RBFOX1: variants seen among roughly 807,000 people sequenced by gnomAD.
RBFOX1 encodes the protein RNA binding protein fox-1 homolog 1.
Under a neutral mutation model 57.7 loss-of-function variants are expected in RBFOX1, and 8 were observed. The ratio of observed to expected loss-of-function variants is 0.14; its 90% confidence interval spans 0.08 to 0.25. The LOEUF (loss-of-function observed/expected upper bound fraction) is 0.25. Ranked by LOEUF, RBFOX1 falls within the 10% of genes least tolerant of loss-of-function variation. The pLI is 1.00. For synonymous variants in RBFOX1, 326 were observed against 222.4 expected (o/e 1.47, Z -4.15); for missense variants, 611 against 548.5 (o/e 1.11, Z -1.14).
intron 3 of RBFOX1, among the ~76,000 whole-genome samples, chr16:6,848,020 C>T (rs543951110): frequency 5.5e-4 from 83 of 152,094 alleles, no homozygotes; most frequent in Non-Finnish European, 1.0e-3. Context: ...AATAGAGACA[C>T]GGGGTCTTAC....
chr16:5,853,055 A>G (rs2056936554), intron 3 of RBFOX1, among the ~76,000 whole-genome samples: 1 of 152,136 alleles, frequency 6.6e-6, no homozygotes. Context: ...ATATGTTTAC[A>G]GATCAGACTA....
chr16:5,867,195 C>T, intron 3 of RBFOX1: 1 of 624,884 alleles, frequency 1.6e-6, no homozygotes, highest in Non-Finnish European at 2.3e-6. Context: ...CAACCTTTGT[C>T]CCCTCGGGTC....
chr16:5,780,223 G>A (rs2151702208), intron 3 of RBFOX1, among the ~76,000 whole-genome samples: 1 of 152,326 alleles, frequency 6.6e-6, no homozygotes, highest in African/African-American at 2.4e-5. Flanking sequence ...GGCTGGTCTT[G>A]AAATCCTGAA....
At chr16:6,146,006 G>T (rs1263350951) in intron 1 of RBFOX1, among the ~76,000 whole-genome samples, 2 of 152,214 alleles carry the variant, frequency 1.3e-5, no homozygotes, top group African/African-American at 4.8e-5. Context: ...AGGTAGCAGT[G>T]TGGAGGTTAA....
chr16:6,062,202 T>G (rs1037839449), intron 1 of RBFOX1, among the ~76,000 whole-genome samples: 1 of 152,182 alleles, frequency 6.6e-6, no homozygotes, highest in East Asian at 1.9e-4. Flanking sequence ...AGAAGCTCTC[T>G]GAACTGTCCT....
At chr16:5,413,605 G>T (rs2151469320) in intron 1 of RBFOX1, among the ~76,000 whole-genome samples, 1 of 152,298 alleles carries the variant, frequency 6.6e-6, no homozygotes, top group East Asian at 1.9e-4. Context: ...GTTGGACAGT[G>T]CCTGTCTAGG....
At chr16:7,473,037 G>C (rs550745533) in intron 4 of RBFOX1, among the ~76,000 whole-genome samples, 1 of 152,178 alleles carries the variant, frequency 6.6e-6, no homozygotes, top group East Asian at 1.9e-4. Flanking sequence ...AAAAGCAGAA[G>C]AATGTCTCTG....
chr16:7,504,905 T>A (rs759667027), intron 4 of RBFOX1, among the ~76,000 whole-genome samples: 1 of 147,238 alleles, frequency 6.8e-6, no homozygotes. Flanking sequence ...CAGGCAATAA[T>A]ACGGCATTTG....
intron 4 of RBFOX1, among the ~76,000 whole-genome samples, chr16:5,930,088 G>A (rs557408111): frequency 1.3e-4 from 20 of 151,574 alleles, no homozygotes; most frequent in African/African-American, 4.4e-4. Context: ...GGGGGTTTGC[G>A]TTTGTGAAAG....
At chr16:6,814,024 G>C (rs1286112416) in intron 3 of RBFOX1, among the ~76,000 whole-genome samples, 1 of 125,254 alleles carries the variant, frequency 8.0e-6, no homozygotes, top group Non-Finnish European at 1.8e-5. Context: ...CTGCACAAAG[G>C]GAAATTAGAT....
chr16:7,611,497 T>G (rs2057455147), intron 10 of RBFOX1, among the ~76,000 whole-genome samples: 2 of 151,684 alleles, frequency 1.3e-5, no homozygotes, highest in African/African-American at 2.4e-5. Flanking sequence ...AAGAATCACT[T>G]GAACCTGGGA....
chr16:6,933,669 T>G, intron 3 of RBFOX1, among the ~76,000 whole-genome samples: 1 of 152,246 alleles, frequency 6.6e-6, no homozygotes, highest in East Asian at 1.9e-4. Flanking sequence ...GTCAAGATCG[T>G]ATGACTGCAC....
intron 4 of RBFOX1, among the ~76,000 whole-genome samples, chr16:7,417,528 T>TTGTGTGTGTGTTTG (rs1555882380): frequency 0.026 from 1,798 of 68,422 alleles, 37 homozygotes; most frequent in African/African-American, 0.052. Context: ...TCACATGGTA[T>TTGTGTGTGTGTTTG]TGTGTGTGTG....
intron 9 of RBFOX1, among the ~76,000 whole-genome samples, chr16:7,600,907 C>A (rs969749294): frequency 1.3e-5 from 2 of 152,176 alleles, no homozygotes; most frequent in African/African-American, 2.4e-5. Flanking sequence ...GGCTTCTGGA[C>A]ATTCTATTAA....
At chr16:5,366,928 G>T (rs1241287300) in intron 1 of RBFOX1, among the ~76,000 whole-genome samples, 1 of 152,196 alleles carries the variant, frequency 6.6e-6, no homozygotes, top group African/African-American at 2.4e-5. Flanking sequence ...ACAGGACATA[G>T]TAATAGCAGT....
intron 5 of RBFOX1, among the ~76,000 whole-genome samples, chr16:7,568,977 G>C (rs2092463931): frequency 2.7e-5 from 4 of 149,670 alleles, no homozygotes; most frequent in East Asian, 2.0e-4. Context: ...CCCTATTCAA[G>C]ATGGAGTTGC....
At chr16:6,699,215 C>T (rs1165521099) in intron 3 of RBFOX1, among the ~76,000 whole-genome samples, 1 of 152,018 alleles carries the variant, frequency 6.6e-6, no homozygotes, top group Admixed American at 6.5e-5. Context: ...ATATGGACTA[C>T]TGTTCTGGGA....
At chr16:6,971,907 G>A (rs74502205) in intron 3 of RBFOX1, among the ~76,000 whole-genome samples, 51 of 152,194 alleles carry the variant, frequency 3.4e-4, no homozygotes, top group African/African-American at 1.2e-3. Context: ...AGCCTCAGTG[G>A]GGTGGTGAGA....
chr16:7,406,405 C>T (rs1016248895), intron 4 of RBFOX1, among the ~76,000 whole-genome samples: 5 of 152,154 alleles, frequency 3.3e-5, no homozygotes, highest in Non-Finnish European at 5.9e-5. Flanking sequence ...CTGGCTACTA[C>T]GTATGGGAGC....
Sources: gnomAD v4.1 joint callset for allele counts (sites outside exome capture counted in the v4.1 genomes callset) on GRCh38, gnomAD v4.1.1 for gene constraint, MANE v1.5 for transcripts, NCBI Gene and HGNC (gene_info 2026-07-23, HGNC 2026-07-21) for gene names.